The following ARHGEF28 variants were observed in gnomAD, a reference collection of about 807,000 sequenced individuals.
The protein encoded by ARHGEF28 is Rho guanine nucleotide exchange factor 28.
In ARHGEF28, 152 loss-of-function variants were observed where a neutral mutation model predicts 206.6. That is an observed-to-expected ratio of 0.74 (90% confidence interval 0.64 to 0.84). The LOEUF (loss-of-function observed/expected upper bound fraction) is 0.84, where lower values mean the gene tolerates loss of function less well. Among genes scored for constraint, ARHGEF28 ranks in the 40% least tolerant of loss-of-function variants. The pLI, the probability that ARHGEF28 is intolerant of heterozygous loss-of-function variation, is 0.00. For synonymous variants in ARHGEF28, 763 were observed against 776.4 expected, an observed-to-expected ratio of 0.98 and a Z score of 0.29; for missense variants, 2,028 against 2,073.2, an observed-to-expected ratio of 0.98 and a Z score of 0.42.
At position 73,742,685 on chromosome 5, in the gene ARHGEF28, G is replaced by A. The variant is rs560806623; in HGVS notation, c.34-7152G>A. 2.9e-3 allele frequency among the ~76,000 whole-genome samples: 441 copies of A among 150,768 alleles called. 2 individuals are homozygous for A. Among genetic ancestry groups the A allele is most frequent in the African/African-American group, 5.2e-3 (214 of 41,168 alleles). ...TAAAAATACAAAAACTTAGCCGGGC[G>A]CGGTGGCGGGCGCCTGTAGTCCCAG... On this transcript the variant is annotated intron_variant, in intron 2 of 35. Coordinates refer to ENST00000513042, the MANE Select transcript of ARHGEF28 (RefSeq NM_001177693.2).
At chr5:73,841,092 G>C (rs1323808147) in intron 11 of ARHGEF28, among the ~76,000 whole-genome samples, 3 of 152,020 alleles carry the variant, frequency 2.0e-5, no homozygotes, top group African/African-American at 7.3e-5. Context: ...GTGTAACTTG[G>C]GAAAATAATT....
chr5:73,684,532 A>C (rs2112248238), intron 1 of ARHGEF28, among the ~76,000 whole-genome samples: 1 of 152,354 alleles, frequency 6.6e-6, no homozygotes, highest in Middle Eastern at 3.4e-3. Flanking sequence ...GCTGCTATGA[A>C]CATAGGTATA....
In ARHGEF28 at chr5:73,819,593, G is replaced by C. The variant is rs188109239; in HGVS notation, c.1025-12745G>C. 7.1e-4 allele frequency among the ~76,000 whole-genome samples: 108 copies of C among 152,288 alleles called. No individual in the cohort carries two copies. The East Asian group carries it at 0.018, about 25-fold the overall frequency. Reference sequence around the variant, plus strand: ...AGATTGGAGTGAAAACCGTTAGCTGGAAGAAACCAGCCTGTAGTAGGAGGA... The same window carrying C: ...AGATTGGAGTGAAAACCGTTAGCTGCAAGAAACCAGCCTGTAGTAGGAGGA... On this transcript the variant is annotated intron_variant, in intron 9 of 35. Transcript: ENST00000513042.
intron 4 of ARHGEF28, among the ~76,000 whole-genome samples, chr5:73,758,299 G>A (rs1014381397): frequency 4.6e-5 from 7 of 152,040 alleles, no homozygotes; most frequent in Non-Finnish European, 1.0e-4. Flanking sequence ...AAACAAAGAG[G>A]TCATATAAAG....
chr5:73,656,159 C>T (rs1405118155), intron 1 of ARHGEF28, among the ~76,000 whole-genome samples: 14 of 152,170 alleles, frequency 9.2e-5, no homozygotes, highest in Admixed American at 5.9e-4. Context: ...TCCTTAAGGG[C>T]GAGAATGGTC....
In ARHGEF28 at chr5:73,911,668, C is replaced by T. The variant is rs538253320; in HGVS notation, c.4948+93C>T. The T allele has an allele frequency of 1.1e-4, 145 of 1,285,058 alleles. No homozygotes were observed. The African/African-American group carries it at 2.0e-3, about 17-fold the overall frequency. The allele number at this position is 1,285,058 out of a possible 1,614,324, so 79.6% of individuals were successfully genotyped here. On this transcript the variant is annotated intron_variant, in intron 35 of 35. Coordinates refer to ENST00000513042, the MANE Select transcript of ARHGEF28 (RefSeq NM_001177693.2). ...TTGTGTAGAGTGAATCAAAGTCCTC[C>T]CTAGCATGGGAATAAATCGGTACTG...
In ARHGEF28 at chr5:73,887,676, C is replaced by T. The variant is rs528645167; in HGVS notation, c.3384C>T (p.Ala1128=). The T allele has an allele frequency of 7.7e-5, 121 of 1,565,192 alleles. No individual in the cohort carries two copies. The East Asian group carries it at 1.7e-3, about 22-fold the overall frequency. Reference sequence around the variant, plus strand: ...AAGACCAGAAATACATCTTTGCAGCCGTTGTAAGTATATGACTGTGTGATG... The same window carrying T: ...AAGACCAGAAATACATCTTTGCAGCTGTTGTAAGTATATGACTGTGTGATG... The part of the protein sequence containing the change: ...QEKDQKYIFA[A]VDQKPSVISL... The change falls in exon 26 of 36, where the codon GCC becomes GCT. Residue 1128 remains alanine, a synonymous_variant. Coordinates refer to ENST00000513042, the MANE Select transcript of ARHGEF28 (RefSeq NM_001177693.2).
chr5:73,688,858 GT>G (rs1747634107), intron 2 of ARHGEF28, among the ~76,000 whole-genome samples: 1 of 152,178 alleles, frequency 6.6e-6, no homozygotes, highest in Admixed American at 6.5e-5. Context: ...ATTTCACCAT[GT>G]TGGCCAGGAT....
At chr5:73,682,122 C>T (rs1416529861) in intron 1 of ARHGEF28, among the ~76,000 whole-genome samples, 2 of 152,060 alleles carry the variant, frequency 1.3e-5, no homozygotes, top group African/African-American at 4.8e-5. Context: ...AATCTATAAA[C>T]CCATTTAAGT....
At chr5:73,673,897 G>A (rs981286207) in intron 1 of ARHGEF28, among the ~76,000 whole-genome samples, 5 of 151,930 alleles carry the variant, frequency 3.3e-5, no homozygotes, top group African/African-American at 9.7e-5. Context: ...ACTGTAGGCC[G>A]GGGCAGTGGT....
At chr5:73,845,362 C>T (rs181330219) in intron 11 of ARHGEF28, among the ~76,000 whole-genome samples, 106 of 152,192 alleles carry the variant, frequency 7.0e-4, no homozygotes, top group African/African-American at 2.4e-3. Context: ...TTTAGTATGA[C>T]ATGTTTGGGA....
At position 73,941,187 on chromosome 5, in the gene ARHGEF28, C is replaced by T. The variant is rs889312353; in HGVS notation, c.*174C>T. 8.6e-6 allele frequency: 4 copies of T among 466,360 alleles called. No homozygotes were observed. In the South Asian group the frequency reaches 1.9e-4, roughly 22 times the overall value. The allele number at this position is 466,360 out of a possible 1,614,324, so 28.9% of individuals were successfully genotyped here. On this transcript the variant is annotated 3_prime_UTR_variant, in exon 36 of 36. Transcript: ENST00000513042. The stretch of plus-strand genomic sequence containing the variant: ...TGAGTCTAATTAAATTATTGAAAGC[C>T]ACCCTGTTTGTATAATCTTTAACTT...
intron 26 of ARHGEF28, among the ~76,000 whole-genome samples, chr5:73,890,137 C>T (rs1013311534): frequency 1.3e-5 from 2 of 152,158 alleles, no homozygotes; most frequent in African/African-American, 2.4e-5. Context: ...AGTGTTTGTG[C>T]GTGGTTAGTA....
chr5:73,890,142 T>C (rs1216461854), intron 26 of ARHGEF28, among the ~76,000 whole-genome samples: 2 of 152,180 alleles, frequency 1.3e-5, no homozygotes, highest in African/African-American at 4.8e-5. Context: ...TTGTGCGTGG[T>C]TAGTATGAAT....
At chr5:73,665,285 G>T (rs114173335) in intron 1 of ARHGEF28, among the ~76,000 whole-genome samples, 1,711 of 152,238 alleles carry the variant, frequency 0.011, 25 homozygotes, top group African/African-American at 0.039. Flanking sequence ...TACAGAAAAG[G>T]TTCCCATCCT....
intron 4 of ARHGEF28, among the ~76,000 whole-genome samples, chr5:73,755,681 T>A (rs1752269829): frequency 6.6e-6 from 1 of 152,220 alleles, no homozygotes; most frequent in Admixed American, 6.5e-5. Context: ...AGCATACAGT[T>A]TTCCATGCTG....
In ARHGEF28 at chr5:73,742,551, G is replaced by A. The variant is rs142913340; in HGVS notation, c.34-7286G>A. On this transcript the variant is annotated intron_variant, in intron 2 of 35. Transcript: ENST00000513042. ...TGATAAAAGTACTTTCAGGCCGGGCGCAGTGGCTCACGCCTGTAATCCCAG... is the reference window on the plus strand; with the variant it reads ...TGATAAAAGTACTTTCAGGCCGGGCACAGTGGCTCACGCCTGTAATCCCAG... 6.1e-3 allele frequency among the ~76,000 whole-genome samples: 921 copies of A among 151,658 alleles called. 5 individuals are homozygous for A. The highest frequency in any genetic ancestry group is 0.021 in the African/African-American group (863 of 41,428).
intron 4 of ARHGEF28, among the ~76,000 whole-genome samples, chr5:73,767,955 T>C (rs1248569072): frequency 6.6e-6 from 1 of 152,110 alleles, no homozygotes; most frequent in Non-Finnish European, 1.5e-5. Flanking sequence ...GCATCCCAGC[T>C]GCTCCAGCCG....
chr5:73,700,441 T>C (rs1580499851), intron 2 of ARHGEF28, among the ~76,000 whole-genome samples: 1 of 152,230 alleles, frequency 6.6e-6, no homozygotes, highest in South Asian at 2.1e-4. Context: ...AATTTGTGAG[T>C]CTAGCAGGAA....
Sources: allele counts gnomAD v4.1 joint callset (sites outside exome capture counted in the v4.1 genomes callset), GRCh38; gene constraint gnomAD v4.1.1; transcripts MANE v1.5; gene names NCBI Gene and HGNC (gene_info 2026-07-23, HGNC 2026-07-21).